CYP39A1: variants seen among roughly 807,000 people sequenced by gnomAD.
CYP39A1 encodes the protein cytochrome P450 family 39 subfamily A member 1, also known as 24-hydroxycholesterol 7-alpha-hydroxylase.
A neutral mutation model predicts 58.1 loss-of-function variants in CYP39A1; 49 were observed. The observed-to-expected ratio is 0.84, with a 90% CI of 0.67 to 1.07. The LOEUF is 1.07. Among genes scored for constraint, CYP39A1 ranks in the 50% least tolerant of loss-of-function variants. The pLI is 0.00. For missense variants in CYP39A1, 531 were observed against 539.4 expected, an observed-to-expected ratio of 0.98 and a Z score of 0.16; for synonymous variants, 209 against 187.6, an observed-to-expected ratio of 1.11 and a Z score of -0.93.
chr6:46,598,702 A>C (rs965881941), intron 7 of CYP39A1, among the ~76,000 whole-genome samples: 14 of 152,192 alleles, frequency 9.2e-5, no homozygotes, highest in African/African-American at 2.9e-4. Flanking sequence ...TAAAGTGCTA[A>C]GGAAATATAA....
At chr6:46,607,952 A>G (rs1338666208) in intron 7 of CYP39A1, among the ~76,000 whole-genome samples, 1 of 152,170 alleles carries the variant, frequency 6.6e-6, no homozygotes, top group African/African-American at 2.4e-5. Flanking sequence ...TGTTTAAAAT[A>G]TATAAAGTTG....
chr6:46,604,505 C>T (rs1048844841), intron 7 of CYP39A1, among the ~76,000 whole-genome samples: 3 of 152,200 alleles, frequency 2.0e-5, no homozygotes, highest in Non-Finnish European at 4.4e-5. Context: ...TCTTCTTTCA[C>T]CTATTTGTCC....
intron 10 of CYP39A1, 51 bp from the exon 11 acceptor site, chr6:46,553,905 T>C (rs1275745726): frequency 6.0e-6 from 7 of 1,169,204 alleles, no homozygotes; most frequent in Non-Finnish European, 7.5e-6. Flanking sequence ...TGTATAAATA[T>C]CTGCCAACAG....
At chr6:46,566,836 A>G (rs1349487401) in intron 10 of CYP39A1, among the ~76,000 whole-genome samples, 2 of 104,052 alleles carry the variant, frequency 1.9e-5, no homozygotes, top group South Asian at 3.4e-4. Context: ...TGAGATGATT[A>G]TATATATATA....
chr6:46,550,400 C>T lies in CYP39A1; in HGVS notation c.1376G>A (p.Gly459Glu). The stretch of plus-strand genomic sequence containing the variant: ...TTGTTTATATTCAATTCGGCATTGC[C>T]CTTCCGGCTGGGGGACACCCACCAA... ...LHLVGVPQPEGQCRIEYKQRI is the reference protein window; with the variant it reads ...LHLVGVPQPEEQCRIEYKQRI Residue 459 changes from glycine to glutamate, a missense_variant, in exon 12 of 12, where the codon GGG (glycine) becomes GAG (glutamate). Gly to Glu is a moderately conservative substitution (Grantham distance 98). Transcript: ENST00000275016. The T allele has an allele frequency of 6.2e-7, 1 of 1,612,310 alleles. No homozygotes were observed. The highest frequency in any genetic ancestry group is 8.5e-7 in the Non-Finnish European group (1 of 1,179,240).
At chr6:46,569,250 G>C (rs956556297) in intron 10 of CYP39A1, among the ~76,000 whole-genome samples, 1 of 151,986 alleles carries the variant, frequency 6.6e-6, no homozygotes, top group Non-Finnish European at 1.5e-5. Context: ...ACTTTGTTGA[G>C]TTATTTATTA....
intron 4 of CYP39A1, 39 bp from the exon 5 acceptor site, chr6:46,636,521 G>A (rs757129916): frequency 2.2e-6 from 3 of 1,347,118 alleles, no homozygotes; most frequent in Non-Finnish European, 3.1e-6. Context: ...TAATTGGAAA[G>A]CACTTTAGGA....
chr6:46,649,493 G>T (rs536747020), intron 1 of CYP39A1, among the ~76,000 whole-genome samples: 1 of 152,272 alleles, frequency 6.6e-6, no homozygotes, highest in East Asian at 1.9e-4. Context: ...CTATCGATGA[G>T]GAAACTTATT....
intron 7 of CYP39A1, among the ~76,000 whole-genome samples, chr6:46,607,947 A>G (rs1773952368): frequency 6.6e-6 from 1 of 152,182 alleles, no homozygotes; most frequent in Non-Finnish European, 1.5e-5. Flanking sequence ...CAGCTTGTTT[A>G]AAATATATAA....
chr6:46,588,026 T>A lies in CYP39A1; in HGVS notation c.1161+8A>T. On this transcript the variant is annotated splice_region_variant and intron_variant, in intron 9 of 11. Transcript: ENST00000275016. The stretch of plus-strand genomic sequence containing the variant: ...AAAGAATAATATATACTGAAAGAGA[T>A]AACTTACAGGTTTGAACAATTCAGG... 6.7e-7 allele frequency: 1 copy of A among 1,487,466 alleles called. No individual in the cohort carries two copies. The highest frequency in any genetic ancestry group is 9.2e-7 in the Non-Finnish European group (1 of 1,088,126). 92.1% of individuals were successfully genotyped at this position (1,487,466 alleles called of 1,614,324 possible).
intron 10 of CYP39A1, among the ~76,000 whole-genome samples, chr6:46,579,634 A>C (rs558571050): frequency 6.0e-4 from 91 of 152,244 alleles, no homozygotes; most frequent in Middle Eastern, 6.8e-3. Flanking sequence ...AAATCTCCTA[A>C]AACTGATAAA....
intron 11 of CYP39A1, 41 bp from the exon 12 acceptor site, chr6:46,550,478 T>C: frequency 6.4e-7 from 1 of 1,563,774 alleles, no homozygotes; most frequent in South Asian, 1.1e-5. Flanking sequence ...TTAAGAGACA[T>C]AAGTCCACAG....
intron 10 of CYP39A1, among the ~76,000 whole-genome samples, chr6:46,557,049 T>C (rs1445135960): frequency 1.3e-5 from 2 of 151,660 alleles, no homozygotes; most frequent in African/African-American, 4.8e-5. Context: ...AAATACAATA[T>C]CTTAAATGAA....
intron 7 of CYP39A1, among the ~76,000 whole-genome samples, chr6:46,608,417 T>C (rs1773980359): frequency 6.6e-6 from 1 of 152,076 alleles, no homozygotes; most frequent in Non-Finnish European, 1.5e-5. Context: ...CAATAGTCAG[T>C]ATTCTAGAGT....
rs762610491 is a variant in CYP39A1 at position 46,639,684 on chromosome 6, A to T, written c.314-16T>A. On this transcript the variant is annotated splice_polypyrimidine_tract_variant and intron_variant, in intron 2 of 11. Transcript: ENST00000275016. Reference sequence around the variant, plus strand: ...GGAATTGATGCTATGAACAAAGAAAACTATTTTCAAAATAAGCAACAACTC... The same window carrying T: ...GGAATTGATGCTATGAACAAAGAAATCTATTTTCAAAATAAGCAACAACTC... 1 of 1,599,570 alleles carries T rather than the reference A, an allele frequency of 6.3e-7. No homozygotes were observed. The highest frequency in any genetic ancestry group is 8.5e-7 in the Non-Finnish European group (1 of 1,171,456).
chr6:46,613,086 C>A (rs1484941182), intron 7 of CYP39A1, among the ~76,000 whole-genome samples: 1 of 152,180 alleles, frequency 6.6e-6, no homozygotes, highest in African/African-American at 2.4e-5. Flanking sequence ...TAAAACTAAT[C>A]AACTAATTAA....
intron 6 of CYP39A1, among the ~76,000 whole-genome samples, chr6:46,629,711 G>A (rs938947959): frequency 6.6e-6 from 1 of 152,126 alleles, no homozygotes; most frequent in Non-Finnish European, 1.5e-5. Context: ...CTATCTGTTA[G>A]AAGAAAAAGG....
rs1283126172 is a variant in CYP39A1, at chr6:46,625,406, A to G, written c.931+12T>C. On this transcript the variant is annotated intron_variant, in intron 7 of 11. Transcript: ENST00000275016. ...TATTAGCTGTGTCTTCCTATATAAT[A>G]AGGTTTAGTACCTGCTTTGCCAAAC... The G allele has an allele frequency of 6.3e-7, 1 of 1,578,502 alleles. No individual in the cohort carries two copies. The highest frequency in any genetic ancestry group is 8.6e-7 in the Non-Finnish European group (1 of 1,157,160).
intron 7 of CYP39A1, among the ~76,000 whole-genome samples, chr6:46,610,840 A>C (rs1049429950): frequency 6.6e-6 from 1 of 152,174 alleles, no homozygotes; most frequent in African/African-American, 2.4e-5. Flanking sequence ...TAAAACATAC[A>C]TATTTTAAAA....
Sources: allele counts gnomAD v4.1 joint callset (sites outside exome capture counted in the v4.1 genomes callset), GRCh38; gene constraint gnomAD v4.1.1; transcripts MANE v1.5; gene names NCBI Gene and HGNC (gene_info 2026-07-23, HGNC 2026-07-21).